IL12RB2: variants seen among roughly 807,000 people sequenced by gnomAD.
IL12RB2 encodes the protein interleukin-12 receptor subunit beta-2.
Under a neutral mutation model 89.4 loss-of-function variants are expected in IL12RB2, and 82 were observed. The observed-to-expected ratio is 0.92, with a 90% confidence interval of 0.77 to 1.10. The LOEUF is 1.10. IL12RB2 is among the 50% of genes least tolerant of loss of function. IL12RB2 has a pLI of 0.00. For synonymous variants in IL12RB2, 368 were observed against 370.1 expected (o/e 0.99, Z 0.07); for missense variants, 963 against 1,031.9 (o/e 0.93, Z 0.92).
chr1:67,329,938 T>C (rs897966480), intron 7 of IL12RB2, among the ~76,000 whole-genome samples: 5 of 152,218 alleles, frequency 3.3e-5, no homozygotes, highest in African/African-American at 1.2e-4. Context: ...TTAAAGCTTT[T>C]GTAAACCAAT....
chr1:67,375,186 A>G (rs1663828975), intron 13 of IL12RB2, among the ~76,000 whole-genome samples: 1 of 151,920 alleles, frequency 6.6e-6, no homozygotes, highest in Admixed American at 6.6e-5. Flanking sequence ...TTTGAGCCCA[A>G]TAGGTCAAGA....
chr1:67,319,796 T>C (rs977370304), intron 2 of IL12RB2, among the ~76,000 whole-genome samples: 1 of 152,142 alleles, frequency 6.6e-6, no homozygotes, highest in African/African-American at 2.4e-5. Flanking sequence ...AAGGTGATGA[T>C]ATTAGGAGAT....
chr1:67,341,948 T>A lies in IL12RB2; in HGVS notation c.1038+3245T>A, dbSNP rs543274172. Among the ~76,000 whole-genome samples the A allele has an allele frequency of 2.8e-4, 33 of 117,222 alleles. 1 individual carries two copies. Among genetic ancestry groups the A allele is most frequent in the African/African-American group, 8.4e-4 (33 of 39,112 alleles). 76.9% of individuals were successfully genotyped at this position (117,222 alleles called of 152,430 possible). On this transcript the variant is annotated intron_variant, in intron 9 of 16. Transcript: ENST00000674203. ...ACCCCACAGTTTAAAACATGGAAAC[T>A]GAGGTTTCAAGAGGTGATTTTCCAG... is the stretch of plus-strand genomic sequence containing the variant.
chr1:67,347,544 G>A (rs1051656633), intron 9 of IL12RB2, among the ~76,000 whole-genome samples: 3 of 152,132 alleles, frequency 2.0e-5, no homozygotes, highest in Admixed American at 2.0e-4. Context: ...GCTTTTTCAG[G>A]CAGCAGAACT....
intron 10 of IL12RB2, among the ~76,000 whole-genome samples, chr1:67,365,281 G>T (rs972361336): frequency 6.6e-6 from 1 of 151,658 alleles, no homozygotes; most frequent in African/African-American, 2.4e-5. Context: ...TAAGCAAATA[G>T]TAATAATAAG....
chr1:67,336,702 G>A (rs1658811182), intron 8 of IL12RB2, among the ~76,000 whole-genome samples: 1 of 152,240 alleles, frequency 6.6e-6, no homozygotes, highest in Non-Finnish European at 1.5e-5. Flanking sequence ...ATGGGGGATG[G>A]AAGTATCGCA....
chr1:67,378,305 G>C (rs1330132367), intron 13 of IL12RB2, among the ~76,000 whole-genome samples: 1 of 152,050 alleles, frequency 6.6e-6, no homozygotes, highest in East Asian at 1.9e-4. Flanking sequence ...TTCATTAAAG[G>C]CTACCTACAC....
rs556414234 is a variant in IL12RB2, at chr1:67,353,763, T to C, written c.1258+2674T>C. ...TTCTTCAGTGGCTAAGTACTGTGTA[T>C]GTAATTTTTAAAGTGAATTCTGTGG... On this transcript the variant is annotated intron_variant, in intron 10 of 16. Transcript: ENST00000674203. 2.0e-5 allele frequency among the ~76,000 whole-genome samples: 3 copies of C among 152,332 alleles called. No homozygotes were observed. The South Asian group carries it at 6.2e-4, about 32-fold the overall frequency.
intron 10 of IL12RB2, among the ~76,000 whole-genome samples, chr1:67,362,572 C>CAAAAAAA (rs956277979): frequency 5.4e-4 from 23 of 42,742 alleles, no homozygotes; most frequent in African/African-American, 1.0e-3. Context: ...GACTCCGTCT[C>CAAAAAAA]AAAAAAAAAA....
chr1:67,382,151 G>A (rs1219114213), intron 14 of IL12RB2, among the ~76,000 whole-genome samples: 1 of 152,206 alleles, frequency 6.6e-6, no homozygotes, highest in Non-Finnish European at 1.5e-5. Flanking sequence ...GGAGGCCAAG[G>A]TGGGAGGATT....
chr1:67,365,981 A>G (rs958079820), intron 10 of IL12RB2, among the ~76,000 whole-genome samples: 3 of 152,178 alleles, frequency 2.0e-5, no homozygotes, highest in African/African-American at 7.2e-5. Context: ...AGGCTAGGTA[A>G]GATACTGTTG....
At chr1:67,344,570 G>A (rs1269921713) in intron 9 of IL12RB2, among the ~76,000 whole-genome samples, 1 of 152,220 alleles carries the variant, frequency 6.6e-6, no homozygotes, top group Non-Finnish European at 1.5e-5. Context: ...TGGGATTACA[G>A]GCATGAGCAA....
rs182086338 is a variant in IL12RB2, at chr1:67,354,046, G to A, written c.1258+2957G>A. Among the ~76,000 whole-genome samples the A allele has an allele frequency of 5.9e-5, 9 of 152,276 alleles. No homozygotes were observed. In the East Asian group the frequency reaches 1.2e-3, roughly 20 times the overall value. Reference sequence around the variant, plus strand: ...TCCAGCATAGGTAAAAGATACAGTCGAGGTCCTCAACTTATATTTAGCCAA... The same window carrying A: ...TCCAGCATAGGTAAAAGATACAGTCAAGGTCCTCAACTTATATTTAGCCAA... On this transcript the variant is annotated intron_variant, in intron 10 of 16. Transcript: ENST00000674203.
chr1:67,333,994 G>A (rs142033717), intron 8 of IL12RB2, among the ~76,000 whole-genome samples: 3 of 152,246 alleles, frequency 2.0e-5, no homozygotes, highest in African/African-American at 7.2e-5. Context: ...CAAAGGAATC[G>A]TTGCATGTTC....
At chr1:67,392,141 C>A (rs1319283108) in intron 16 of IL12RB2, among the ~76,000 whole-genome samples, 1 of 152,092 alleles carries the variant, frequency 6.6e-6, no homozygotes, top group Non-Finnish European at 1.5e-5. Context: ...GCAGTCTACA[C>A]CTCTGAGCTG....
At chr1:67,352,681 A>C (rs1271686689) in intron 10 of IL12RB2, among the ~76,000 whole-genome samples, 1 of 152,244 alleles carries the variant, frequency 6.6e-6, no homozygotes, top group Non-Finnish European at 1.5e-5. Flanking sequence ...TTATCAATAT[A>C]ACTTTTTCAA....
At chr1:67,317,905 A>T (rs1655987750) in intron 2 of IL12RB2, among the ~76,000 whole-genome samples, 1 of 152,224 alleles carries the variant, frequency 6.6e-6, no homozygotes, top group South Asian at 2.1e-4. Flanking sequence ...AAGTAAAGGA[A>T]TAAGGCAGTT....
chr1:67,368,248 C>T (rs1002497817), intron 11 of IL12RB2, among the ~76,000 whole-genome samples: 1 of 152,180 alleles, frequency 6.6e-6, no homozygotes, highest in Non-Finnish European at 1.5e-5. Context: ...AATCCATATC[C>T]CTAGCACAAT....
rs146292829 is a variant in IL12RB2 at position 67,309,045 on chromosome 1, C to CATATATATATAT, written c.-125+1082_-125+1093dup. On this transcript the variant is annotated intron_variant, in intron 1 of 16. Coordinates refer to ENST00000674203, the MANE Select transcript of IL12RB2 (RefSeq NM_001374259.2). ...AAAAATAAATACATACATACATATA[C>CATATATATATAT]ATATATATATATATACACACACACA... is the stretch of plus-strand genomic sequence containing the variant. Among the ~76,000 whole-genome samples, 940 of 149,414 alleles carry CATATATATATAT rather than the reference C, an allele frequency of 6.3e-3. 7 individuals carry two copies. The highest frequency in any genetic ancestry group is 0.022 in the African/African-American group (892 of 40,514).
Sources: allele counts gnomAD v4.1 joint callset (sites outside exome capture counted in the v4.1 genomes callset), GRCh38; gene constraint gnomAD v4.1.1; transcripts MANE v1.5; gene names NCBI Gene and HGNC (gene_info 2026-07-23, HGNC 2026-07-21).